The following LRRC7 variants were observed in gnomAD, a reference collection of about 807,000 sequenced individuals.
The protein encoded by LRRC7 is leucine rich repeat containing 7.
In LRRC7, 23 loss-of-function variants were observed where a neutral mutation model predicts 175.7. The observed-to-expected ratio is 0.13, with a 90% CI of 0.09 to 0.19. The LOEUF is 0.19. Ranked by LOEUF, LRRC7 falls within the 10% of genes least tolerant of loss-of-function variation. The probability of loss-of-function intolerance (pLI) is 1.00; values close to 1 mark genes in which losing one functional copy is unlikely to be tolerated. For synonymous variants in LRRC7, 685 were observed against 680.9 expected (o/e 1.01, Z -0.09); for missense variants, 1,354 against 1,904.7 (o/e 0.71, Z 5.38).
intron 2 of LRRC7, among the ~76,000 whole-genome samples, chr1:69,749,841 A>C (rs1669643379): frequency 6.6e-6 from 1 of 151,998 alleles, no homozygotes; most frequent in African/African-American, 2.4e-5. Context: ...AGGTGGGCGG[A>C]TCACGAGGTC....
chr1:69,965,051 G>T (rs929807454), intron 8 of LRRC7, among the ~76,000 whole-genome samples: 5 of 152,320 alleles, frequency 3.3e-5, no homozygotes, highest in African/African-American at 1.2e-4. Context: ...TATTCTCAGA[G>T]ACAGTTATGG....
At chr1:69,591,941 T>C (rs893280477) in intron 1 of LRRC7, among the ~76,000 whole-genome samples, 4 of 152,084 alleles carry the variant, frequency 2.6e-5, no homozygotes, top group Non-Finnish European at 2.9e-5. Context: ...TTTTGCCTTG[T>C]ATACATTTAT....
chr1:69,734,556 T>A (rs943010994), intron 2 of LRRC7, among the ~76,000 whole-genome samples: 5 of 151,916 alleles, frequency 3.3e-5, no homozygotes, highest in Non-Finnish European at 7.4e-5. Context: ...TCTAAGTGCA[T>A]TCTATATTTG....
intron 11 of LRRC7, among the ~76,000 whole-genome samples, chr1:69,997,914 A>G (rs1227155475): frequency 6.6e-6 from 1 of 152,132 alleles, no homozygotes; most frequent in Non-Finnish European, 1.5e-5. Flanking sequence ...TGCTGGCCTC[A>G]TAAAATGAGT....
chr1:69,714,540 G>A (rs1025059529), intron 2 of LRRC7, among the ~76,000 whole-genome samples: 1 of 152,290 alleles, frequency 6.6e-6, no homozygotes, highest in East Asian at 1.9e-4. Flanking sequence ...CTTCCTGGAA[G>A]AGGAAGCTCA....
intron 9 of LRRC7, 130 bp from the exon 10 acceptor site, chr1:69,986,112 C>T (rs1438818995): frequency 1.2e-6 from 1 of 808,808 alleles, no homozygotes; most frequent in Admixed American, 2.9e-5. Context: ...AATTCCTCCA[C>T]ATTCTTGCCA....
At chr1:69,851,127 G>C (rs1682933155) in intron 7 of LRRC7, among the ~76,000 whole-genome samples, 1 of 152,110 alleles carries the variant, frequency 6.6e-6, no homozygotes, top group Admixed American at 6.6e-5. Context: ...ATGTTACTGA[G>C]AAGTCAATTA....
At chr1:69,574,042 G>A (rs1260252108) in intron 1 of LRRC7, among the ~76,000 whole-genome samples, 1 of 152,078 alleles carries the variant, frequency 6.6e-6, no homozygotes, top group Non-Finnish European at 1.5e-5. Flanking sequence ...GGATAGGTAT[G>A]CCCAAGGTAG....
chr1:70,006,815 A>G (rs1656034968), intron 11 of LRRC7, among the ~76,000 whole-genome samples: 1 of 152,178 alleles, frequency 6.6e-6, no homozygotes, highest in African/African-American at 2.4e-5. Flanking sequence ...ATCACTTGCT[A>G]GAATGGCTCA....
chr1:69,995,710 A>G (rs552409572), intron 11 of LRRC7, among the ~76,000 whole-genome samples: 1 of 152,266 alleles, frequency 6.6e-6, no homozygotes, highest in Admixed American at 6.5e-5. Flanking sequence ...AATTTCATCC[A>G]TCTCCCTACA....
intron 23 of LRRC7, among the ~76,000 whole-genome samples, chr1:70,057,955 G>A (rs1661278274): frequency 6.6e-6 from 1 of 151,652 alleles, no homozygotes; most frequent in South Asian, 2.1e-4. Flanking sequence ...TTTTTTAAGG[G>A]AGTAAAAGTA....
At chr1:69,991,824 C>CA (rs1157464525) in intron 10 of LRRC7, among the ~76,000 whole-genome samples, 1 of 152,104 alleles carries the variant, frequency 6.6e-6, no homozygotes, top group African/African-American at 2.4e-5. Flanking sequence ...TACTCAACAA[C>CA]AAGCCCCGTG....
intron 4 of LRRC7, among the ~76,000 whole-genome samples, chr1:69,801,047 C>T (rs968966670): frequency 3.3e-5 from 5 of 151,436 alleles, no homozygotes; most frequent in African/African-American, 1.2e-4. Flanking sequence ...TATTGATATG[C>T]CTATTTTGAA....
At chr1:69,780,024 C>T (rs992014271) in intron 3 of LRRC7, among the ~76,000 whole-genome samples, 1 of 152,176 alleles carries the variant, frequency 6.6e-6, no homozygotes, top group South Asian at 2.1e-4. Context: ...TGTCACTCTG[C>T]TCACTTCTAC....
At chr1:70,023,946 G>A (rs562506855) in intron 17 of LRRC7, among the ~76,000 whole-genome samples, 1 of 152,068 alleles carries the variant, frequency 6.6e-6, no homozygotes, top group Non-Finnish European at 1.5e-5. Flanking sequence ...GGCAAATAGG[G>A]CTTCCTTATC....
At position 70,133,368 on chromosome 1, in the gene LRRC7, G is replaced by C. The variant is rs1396304081; in HGVS notation, c.*11481G>C. ...CCCGAGTAGCTGGGACTACAGGCAT[G>C]CACCACCACGCCCGGCTAATTTTTG... On this transcript the variant is annotated 3_prime_UTR_variant, in exon 27 of 27. Transcript: ENST00000651989. Among the ~76,000 whole-genome samples, 7 of 152,112 alleles carry C rather than the reference G, an allele frequency of 4.6e-5. 1 individual carries two copies. The East Asian group carries it at 1.4e-3, about 30-fold the overall frequency.
intron 8 of LRRC7, among the ~76,000 whole-genome samples, chr1:69,952,386 C>T (rs1650031052): frequency 6.6e-6 from 1 of 152,054 alleles, no homozygotes; most frequent in South Asian, 2.1e-4. Context: ...GATTAGGAGT[C>T]ATGACATTTC....
At chr1:70,002,600 G>C (rs1025367037) in intron 11 of LRRC7, among the ~76,000 whole-genome samples, 3 of 152,120 alleles carry the variant, frequency 2.0e-5, no homozygotes, top group African/African-American at 4.8e-5. Flanking sequence ...TGCCAAGAGA[G>C]TATGGCCCAG....
At chr1:70,097,934 G>A (rs1161853728) in intron 25 of LRRC7, among the ~76,000 whole-genome samples, 1 of 149,884 alleles carries the variant, frequency 6.7e-6, no homozygotes, top group African/African-American at 2.5e-5. Context: ...GTGTGCATGT[G>A]TCTTTATAGC....
Sources: gnomAD v4.1 joint callset for allele counts (sites outside exome capture counted in the v4.1 genomes callset) on GRCh38, gnomAD v4.1.1 for gene constraint, MANE v1.5 for transcripts, NCBI Gene and HGNC (gene_info 2026-07-23, HGNC 2026-07-21) for gene names.